Variants in UBE2J1 observed in about 807,000 individuals in gnomAD.
UBE2J1 encodes ubiquitin conjugating enzyme E2 J1, also known as ubiquitin-conjugating enzyme E2 J1.
UBE2J1 carries 17 observed loss-of-function variants against 42.1 expected under a neutral mutation model. That is an observed-to-expected ratio of 0.40 (90% CI 0.28 to 0.61). The LOEUF is 0.61. Ranked by LOEUF, UBE2J1 falls within the 20% of genes least tolerant of loss-of-function variation. The probability of loss-of-function intolerance (pLI) is 0.38; values close to 1 mark genes in which losing one functional copy is unlikely to be tolerated. For synonymous variants in UBE2J1, 127 were observed against 137.2 expected (o/e 0.93, Z 0.52); for missense variants, 291 against 389.4 (o/e 0.75, Z 2.13).
intron 5 of UBE2J1, among the ~76,000 whole-genome samples, chr6:89,336,302 G>T (rs9451204): frequency 0.19 from 28,736 of 151,538 alleles, 2,846 homozygotes; most frequent in Middle Eastern, 0.24. Flanking sequence ...TTGTTTGTTT[G>T]TTTGAGACAG....
At chr6:89,350,419 C>T (rs541218859) in intron 1 of UBE2J1, among the ~76,000 whole-genome samples, 16 of 152,282 alleles carry the variant, frequency 1.1e-4, no homozygotes, top group Non-Finnish European at 2.2e-4. Context: ...CCCCTTCACA[C>T]AGGCATTACT....
intron 6 of UBE2J1, among the ~76,000 whole-genome samples, chr6:89,334,851 CACATGTATT>C (rs960794421): frequency 8.7e-5 from 13 of 148,974 alleles, no homozygotes; most frequent in African/African-American, 3.2e-4. Context: ...CTGAATGCAA[CACATGTATT>C]ACATATATTA....
intron 1 of UBE2J1, among the ~76,000 whole-genome samples, 156 bp from the exon 2 acceptor site, chr6:89,343,912 G>C (rs558158650): frequency 1.5e-3 from 232 of 152,250 alleles, no homozygotes; most frequent in African/African-American, 5.2e-3. Context: ...AATAGAGGGG[G>C]AGAGGAAGGA....
intron 1 of UBE2J1, among the ~76,000 whole-genome samples, chr6:89,345,557 G>A (rs369011305): frequency 2.6e-4 from 40 of 151,856 alleles, no homozygotes; most frequent in African/African-American, 7.2e-4. Context: ...AGCTGAGGTC[G>A]TGCCATTGCA....
chr6:89,333,006 T>A, intron 7 of UBE2J1, 80 bp downstream of exon 7: 1 of 1,329,566 alleles, frequency 7.5e-7, no homozygotes. Context: ...TTCAGATATT[T>A]GATCCAGGAT....
intron 3 of UBE2J1, among the ~76,000 whole-genome samples, chr6:89,338,876 A>G (rs956016439): frequency 2.5e-4 from 38 of 152,076 alleles, no homozygotes; most frequent in Non-Finnish European, 3.8e-4. Flanking sequence ...CGTGTTAGCC[A>G]GGATGGTCTC....
At position 89,335,431 on chromosome 6, in the gene UBE2J1, T is replaced by A. The variant is rs1164213338; in HGVS notation, c.429A>T (p.Lys143Asn). 1 of 1,561,812 alleles carries A rather than the reference T, an allele frequency of 6.4e-7. No individual in the cohort carries two copies. Among genetic ancestry groups the A allele is most frequent in the Non-Finnish European group, 8.7e-7 (1 of 1,151,410 alleles). Residue 143 changes from lysine (K) to asparagine (N), a missense_variant and splice_region_variant, in exon 6 of 8, where the codon AAA becomes AAT. Lys to Asn is a moderately conservative substitution (Grantham distance 94). This residue lies in a region of UBE2J1 where 115 missense variants were observed against 193.1 expected (regional missense o/e 0.60). Transcript: ENST00000435041. ...ATCCTTCACAACAGAAATCTTGTGATCTAGTAGAAAAAGATTTTTTAAATG... is the reference window on the plus strand; with the variant it reads ...ATCCTTCACAACAGAAATCTTGTGAACTAGTAGAAAAAGATTTTTTAAATG... ...TPEERRALAK[K>N]SQDFCCEGCG... is the part of the protein sequence containing the mutation.
chr6:89,340,963 G>T (rs1380017715), intron 3 of UBE2J1, among the ~76,000 whole-genome samples: 2 of 151,360 alleles, frequency 1.3e-5, no homozygotes, highest in Admixed American at 6.6e-5. Flanking sequence ...TTTTAGTAGA[G>T]ACGGGGTTTC....
chr6:89,327,190 C>A lies in UBE2J1; in HGVS notation c.*2489G>T, dbSNP rs563573920. On this transcript the variant is annotated 3_prime_UTR_variant, in exon 8 of 8. Transcript: ENST00000435041. The stretch of plus-strand genomic sequence containing the variant: ...AAACAGTTACAGGTGAAACAGATTA[C>A]GTATTTTTTTTTCAAGCATGCTATT... The A allele has an allele frequency of 1.9e-5, 2 of 107,296 alleles. No individual in the cohort carries two copies. The highest frequency in any genetic ancestry group is 8.3e-4 in the South Asian group (2 of 2,398). The allele number at this position is 107,296 out of a possible 1,614,324, so 6.6% of individuals were successfully genotyped here.
chr6:89,340,263 AT>A (rs1768219184), intron 3 of UBE2J1, among the ~76,000 whole-genome samples: 1 of 152,180 alleles, frequency 6.6e-6, no homozygotes, highest in Non-Finnish European at 1.5e-5. Flanking sequence ...ATCAGGGCTG[AT>A]TCTCAGCCAG....
chr6:89,346,383 A>G (rs1469481380), intron 1 of UBE2J1, among the ~76,000 whole-genome samples: 1 of 152,138 alleles, frequency 6.6e-6, no homozygotes, highest in Non-Finnish European at 1.5e-5. Flanking sequence ...GGTGCAGTCA[A>G]TACAAAACAG....
At chr6:89,337,304 G>A (rs1424000448) in intron 5 of UBE2J1, among the ~76,000 whole-genome samples, 5 of 148,682 alleles carry the variant, frequency 3.4e-5, no homozygotes, top group South Asian at 2.1e-4. Flanking sequence ...GTAGTAAATC[G>A]AATGAAAACA....
chr6:89,347,468 G>A (rs1473056480), intron 1 of UBE2J1, among the ~76,000 whole-genome samples: 2 of 152,176 alleles, frequency 1.3e-5, no homozygotes, highest in Admixed American at 6.5e-5. Flanking sequence ...CAACAGGAGA[G>A]AAGAAAATAA....
chr6:89,342,878 T>C (rs1316047908), intron 2 of UBE2J1, among the ~76,000 whole-genome samples: 1 of 152,202 alleles, frequency 6.6e-6, no homozygotes, highest in Non-Finnish European at 1.5e-5. Flanking sequence ...AAAATGGTAA[T>C]ACTAATGTAT....
At position 89,327,505 on chromosome 6, in the gene UBE2J1, G is replaced by A. The variant is rs1767931731; in HGVS notation, c.*2174C>T. ...TTAAGGATTTTTAGGGAGCATATGT[G>A]AGATCAAAGGGAAGAAGAAAATGGT... On this transcript the variant is annotated 3_prime_UTR_variant, in exon 8 of 8. Coordinates refer to ENST00000435041, the MANE Select transcript of UBE2J1 (RefSeq NM_016021.3). The A allele has an allele frequency of 6.6e-6, 1 of 152,158 alleles. No homozygotes were observed. The highest frequency in any genetic ancestry group is 1.5e-5 in the Non-Finnish European group (1 of 68,036). 9.4% of individuals were successfully genotyped at this position (152,158 alleles called of 1,614,324 possible).
At chr6:89,332,375 CCAAA>C (rs1252443374) in intron 7 of UBE2J1, among the ~76,000 whole-genome samples, 1 of 152,150 alleles carries the variant, frequency 6.6e-6, no homozygotes, top group Non-Finnish European at 1.5e-5. Context: ...ATCACCTAGG[CCAAA>C]CAATTTCTTA....
rs1768038699 is a variant in UBE2J1 at position 89,333,060 on chromosome 6, T to C, written c.678+26A>G. Reference sequence around the variant, plus strand: ...ACAGTGATAATGATAGAGACATACATATATATTAAAAGATAAGAGCCATAC... The same window carrying C: ...ACAGTGATAATGATAGAGACATACACATATATTAAAAGATAAGAGCCATAC... On this transcript the variant is annotated intron_variant, in intron 7 of 7. Transcript: ENST00000435041. 3.2e-6 allele frequency: 5 copies of C among 1,571,520 alleles called. No individual in the cohort carries two copies. In the East Asian group the frequency reaches 9.1e-5, roughly 29 times the overall value.
chr6:89,342,665 AGC>A (rs1768270667), intron 2 of UBE2J1, among the ~76,000 whole-genome samples: 1 of 152,214 alleles, frequency 6.6e-6, no homozygotes, highest in African/African-American at 2.4e-5. Context: ...TGTTCCATTG[AGC>A]TAAAATATTT....
chr6:89,338,665 T>G (rs1018679825), intron 3 of UBE2J1, 122 bp from the exon 4 acceptor site: 68 of 266,866 alleles, frequency 2.5e-4, no homozygotes, highest in Admixed American at 8.8e-4. Flanking sequence ...TTGTTTTTTT[T>G]TTTTTTTTTT....
Sources: gnomAD v4.1 joint callset for allele counts (sites outside exome capture counted in the v4.1 genomes callset) on GRCh38, gnomAD v4.1.1 for gene constraint, gnomAD v4.1.1 regional missense constraint, MANE v1.5 for transcripts, NCBI Gene and HGNC (gene_info 2026-07-23, HGNC 2026-07-21) for gene names.